Variants in HNRNPM observed in about 807,000 individuals in gnomAD.
HNRNPM encodes the protein heterogeneous nuclear ribonucleoprotein M.
HNRNPM carries 11 observed loss-of-function variants against 73.1 expected under a neutral mutation model. That is an observed-to-expected ratio of 0.15 (90% CI 0.09 to 0.25). The LOEUF (loss-of-function observed/expected upper bound fraction) is 0.25, where lower values mean the gene tolerates loss of function less well. Among genes scored for constraint, HNRNPM ranks in the 10% least tolerant of loss-of-function variants. The pLI is 1.00. For synonymous variants in HNRNPM, 407 were observed against 355.2 expected, an observed-to-expected ratio of 1.15 and a Z score of -1.64; for missense variants, 789 against 1,067.9, an observed-to-expected ratio of 0.74 and a Z score of 3.64.
intron 11 of HNRNPM, 66 bp from the exon 12 acceptor site, chr19:8,474,101 T>G: frequency 1.7e-6 from 2 of 1,197,828 alleles, no homozygotes; most frequent in Middle Eastern, 4.0e-4. Context: ...GTGATAGAAT[T>G]TTTCTTTCCC....
chr19:8,483,600 A>C (rs963901521), intron 13 of HNRNPM, among the ~76,000 whole-genome samples: 1 of 152,222 alleles, frequency 6.6e-6, no homozygotes, highest in Non-Finnish European at 1.5e-5. Context: ...GACTGAAAGC[A>C]CACCACCCAA....
chr19:8,450,414 G>GT (rs1406503661), intron 1 of HNRNPM, among the ~76,000 whole-genome samples: 7 of 152,012 alleles, frequency 4.6e-5, no homozygotes, highest in East Asian at 1.9e-4. Flanking sequence ...TTTTATTAGG[G>GT]TTTTTTTGTT....
At chr19:8,471,648 G>T (rs10401333) in intron 10 of HNRNPM, among the ~76,000 whole-genome samples, 2 of 152,184 alleles carry the variant, frequency 1.3e-5, no homozygotes, top group African/African-American at 4.8e-5. Context: ...ATTGTAACCT[G>T]ACAACAACCT....
intron 1 of HNRNPM, among the ~76,000 whole-genome samples, chr19:8,447,392 A>C (rs1468324828): frequency 6.6e-6 from 1 of 152,112 alleles, no homozygotes; most frequent in Non-Finnish European, 1.5e-5. Context: ...CCATAACATA[A>C]GGTAATTATG....
chr19:8,460,760 G>A (rs1170880932), intron 2 of HNRNPM, among the ~76,000 whole-genome samples: 1 of 152,190 alleles, frequency 6.6e-6, no homozygotes, highest in Non-Finnish European at 1.5e-5. Context: ...ATTATTGTGA[G>A]TCTTTTATTT....
intron 2 of HNRNPM, among the ~76,000 whole-genome samples, chr19:8,459,114 A>G (rs978111815): frequency 1.2e-4 from 18 of 152,120 alleles, no homozygotes; most frequent in Admixed American, 6.5e-5. Context: ...TTAGTAAGAG[A>G]TGGGCTTTCA....
intron 15 of HNRNPM, chr19:8,487,412 C>T (rs1351999576): frequency 1.3e-5 from 4 of 306,110 alleles, no homozygotes; most frequent in African/African-American, 2.2e-5. Context: ...ACATCCCAGA[C>T]GAGGTCGCTT....
At position 8,466,388 on chromosome 19, in the gene HNRNPM, T is replaced by C; in HGVS notation, c.784T>C (p.Ser262Pro). Reference protein sequence around the residue: ...EQSIEAVQAISMFNGQLLFDR... With the variant: ...EQSIEAVQAIPMFNGQLLFDR... Reference sequence around the variant, plus strand: ...GTCCATTGAAGCTGTGCAAGCTATATGTATCCTTCTGCAGGAATTCAACTT... The same window carrying C: ...GTCCATTGAAGCTGTGCAAGCTATACGTATCCTTCTGCAGGAATTCAACTT... The change falls in exon 7 of 16, where the codon TCT (serine) becomes CCT (proline). Residue 262 changes from serine (S) to proline (P), a missense_variant and splice_region_variant. This residue lies in a region of HNRNPM where 604 missense variants were observed against 744.0 expected (regional missense o/e 0.81). Transcript: ENST00000325495. The C allele has an allele frequency of 6.2e-7, 1 of 1,613,970 alleles. No homozygotes were observed. Among genetic ancestry groups the C allele is most frequent in the Non-Finnish European group, 8.5e-7 (1 of 1,179,898 alleles).
chr19:8,457,359 G>C (rs1969094983), intron 2 of HNRNPM, among the ~76,000 whole-genome samples: 4 of 152,168 alleles, frequency 2.6e-5, no homozygotes, highest in Admixed American at 2.6e-4. Flanking sequence ...CTTAAGTGTG[G>C]AGCCAGCCTG....
intron 15 of HNRNPM, chr19:8,487,798 A>T (rs1971418793): frequency 6.6e-6 from 1 of 152,188 alleles, no homozygotes; most frequent in Admixed American, 6.6e-5. Context: ...TTGAGTCATG[A>T]TCTGCCTCTT....
chr19:8,486,041 G>A lies in HNRNPM; in HGVS notation c.1613G>A (p.Gly538Glu). 6.2e-7 allele frequency: 1 copy of A among 1,606,390 alleles called. No homozygotes were observed. The highest frequency in any genetic ancestry group is 8.5e-7 in the Non-Finnish European group (1 of 1,179,490). ...SMERMVPAGM[G>E]AGLERMGPVM... Reference sequence around the variant, plus strand: ...GAGCGCATGGTGCCCGCAGGTATGGGAGCTGGCCTGGAGCGCATGGGCCCC... The same window carrying A: ...GAGCGCATGGTGCCCGCAGGTATGGAAGCTGGCCTGGAGCGCATGGGCCCC... Residue 538 changes from glycine (G) to glutamate (E), a missense_variant, in exon 14 of 16, where the codon GGA (glycine) becomes GAA (glutamate). Gly to Glu is a moderately conservative substitution (Grantham distance 98). This residue lies in a region of HNRNPM where 604 missense variants were observed against 744.0 expected (regional missense o/e 0.81). Coordinates refer to ENST00000325495, the MANE Select transcript of HNRNPM (RefSeq NM_005968.5).
At chr19:8,470,391 G>A (rs527340537) in intron 9 of HNRNPM, among the ~76,000 whole-genome samples, 17 of 152,138 alleles carry the variant, frequency 1.1e-4, no homozygotes, top group Middle Eastern at 6.8e-3. Flanking sequence ...GCAGTGGTGC[G>A]GTCTTGGCTT....
intron 8 of HNRNPM, among the ~76,000 whole-genome samples, chr19:8,468,454 G>A (rs1023173242): frequency 2.0e-5 from 3 of 152,156 alleles, no homozygotes; most frequent in African/African-American, 7.2e-5. Flanking sequence ...AAATAGAGTA[G>A]GTAAGTTTTT....
intron 8 of HNRNPM, 114 bp downstream of exon 8, chr19:8,467,698 AG>A: frequency 1.2e-6 from 1 of 844,292 alleles, no homozygotes; most frequent in Non-Finnish European, 2.0e-6. Flanking sequence ...TAAGTTAAAT[AG>A]GGTGCAGTAT....
At chr19:8,446,528 G>T (rs7249988) in intron 1 of HNRNPM, among the ~76,000 whole-genome samples, 6,110 of 152,196 alleles carry the variant, frequency 0.04, 274 homozygotes, top group African/African-American at 0.11. Context: ...TTCCATCTCA[G>T]CCTCCTGAGT....
intron 1 of HNRNPM, among the ~76,000 whole-genome samples, chr19:8,450,811 G>A (rs1414631065): frequency 6.7e-6 from 1 of 150,278 alleles, no homozygotes. Context: ...TGCAACCTCC[G>A]CCTCCCGTTC....
intron 8 of HNRNPM, among the ~76,000 whole-genome samples, chr19:8,467,857 G>A (rs1217672132): frequency 1.3e-5 from 2 of 151,916 alleles, no homozygotes; most frequent in East Asian, 1.9e-4. Flanking sequence ...GAACTCCTCC[G>A]TCTCTACTAA....
intron 14 of HNRNPM, 103 bp downstream of exon 14, chr19:8,486,508 C>G (rs1971321102): frequency 2.1e-6 from 2 of 942,592 alleles, no homozygotes; most frequent in East Asian, 5.0e-5. Flanking sequence ...TCAAAGGGGA[C>G]CACACCTCCT....
intron 3 of HNRNPM, 60 bp from the exon 4 acceptor site, chr19:8,463,437 T>A: frequency 6.4e-7 from 1 of 1,559,578 alleles, no homozygotes; most frequent in Non-Finnish European, 8.8e-7. Flanking sequence ...TATTTACTAT[T>A]TTTTTCTTTT....
Sources: gnomAD v4.1 joint callset for allele counts (sites outside exome capture counted in the v4.1 genomes callset) on GRCh38, gnomAD v4.1.1 for gene constraint, gnomAD v4.1.1 regional missense constraint, MANE v1.5 for transcripts, NCBI Gene and HGNC (gene_info 2026-07-23, HGNC 2026-07-21) for gene names.